KAT14: variants seen among roughly 807,000 people sequenced by gnomAD.
The protein encoded by KAT14 is lysine acetyltransferase 14.
In KAT14, 66 loss-of-function variants were observed where a neutral mutation model predicts 78.4. The observed-to-expected ratio is 0.84, with a 90% CI of 0.69 to 1.03. The LOEUF (loss-of-function observed/expected upper bound fraction) is 1.03, where lower values mean the gene tolerates loss of function less well. Among genes scored for constraint, KAT14 ranks in the 50% least tolerant of loss-of-function variants. The probability of loss-of-function intolerance (pLI) is 0.00; values close to 1 mark genes in which losing one functional copy is unlikely to be tolerated. For missense variants in KAT14, 870 were observed against 972.5 expected (o/e 0.89, Z 1.40); for synonymous variants, 344 against 359.4 (o/e 0.96, Z 0.48).
chr20:18,143,995 A>G (rs2037718387), intron 2 of KAT14, among the ~76,000 whole-genome samples: 1 of 152,212 alleles, frequency 6.6e-6, no homozygotes, highest in Admixed American at 6.5e-5. Context: ...CAGCCATCAT[A>G]TGGTTTATAC....
chr20:18,174,662 T>A (rs2038968229), intron 7 of KAT14, among the ~76,000 whole-genome samples: 1 of 112,150 alleles, frequency 8.9e-6, no homozygotes, highest in East Asian at 1.1e-3. Context: ...TTCTTGCTTT[T>A]TTTTTTATTT....
intron 1 of KAT14, chr20:18,138,435 A>C: frequency 6.0e-6 from 6 of 1,002,708 alleles, no homozygotes; most frequent in Non-Finnish European, 5.9e-6. Context: ...GGGCCGCTAG[A>C]AAATAGAAGG....
chr20:18,142,020 A>G (rs1316712493), intron 1 of KAT14, among the ~76,000 whole-genome samples, 188 bp from the exon 2 acceptor site: 1 of 152,228 alleles, frequency 6.6e-6, no homozygotes, highest in Non-Finnish European at 1.5e-5. Context: ...AACATTTAGC[A>G]CACTACCAAA....
chr20:18,143,506 G>T (rs2037671899), intron 2 of KAT14, among the ~76,000 whole-genome samples: 1 of 147,498 alleles, frequency 6.8e-6, no homozygotes, highest in African/African-American at 2.5e-5. Flanking sequence ...TGCTTTTGTT[G>T]CCCAGGCTAG....
chr20:18,148,613 G>GTTT (rs539926110), intron 3 of KAT14, among the ~76,000 whole-genome samples: 1 of 140,996 alleles, frequency 7.1e-6, no homozygotes, highest in African/African-American at 2.6e-5. Context: ...ATTTTTTTTT[G>GTTT]TTTTTTTTTT....
intron 5 of KAT14, among the ~76,000 whole-genome samples, chr20:18,159,658 T>C (rs2038347859): frequency 6.6e-6 from 1 of 152,216 alleles, no homozygotes; most frequent in African/African-American, 2.4e-5. Flanking sequence ...AAATCCTCAG[T>C]ACTTTTCCCC....
intron 4 of KAT14, among the ~76,000 whole-genome samples, chr20:18,154,625 C>A (rs1348776462): frequency 3.8e-4 from 2 of 5,268 alleles, no homozygotes; most frequent in Admixed American, 1.5e-3. Context: ...TGCCACCTTC[C>A]CAGAATCCTC....
intron 7 of KAT14, among the ~76,000 whole-genome samples, chr20:18,175,149 C>G (rs902639144): frequency 7.9e-5 from 12 of 152,096 alleles, no homozygotes; most frequent in African/African-American, 2.2e-4. Context: ...AAAACCATTT[C>G]TCCTCCTCTC....
intron 7 of KAT14, among the ~76,000 whole-genome samples, chr20:18,174,296 G>A (rs2038956718): frequency 6.6e-6 from 1 of 152,162 alleles, no homozygotes; most frequent in African/African-American, 2.4e-5. Context: ...AAGTTTTTGT[G>A]TGGACACACA....
chr20:18,184,182 T>C (rs2039367913), intron 9 of KAT14, among the ~76,000 whole-genome samples: 1 of 152,020 alleles, frequency 6.6e-6, no homozygotes, highest in Non-Finnish European at 1.5e-5. Flanking sequence ...GTGTGGGGGG[T>C]AAAGGATGTG....
chr20:18,154,057 C>T (rs1350639500), intron 4 of KAT14, among the ~76,000 whole-genome samples: 2 of 152,080 alleles, frequency 1.3e-5, no homozygotes, highest in Admixed American at 6.5e-5. Flanking sequence ...TGATTCTTGC[C>T]ACCCGGTTTC....
rs532844386 is a variant in KAT14 at position 18,156,529 on chromosome 20, TG to T, written c.501-2553del. 1.2e-4 allele frequency among the ~76,000 whole-genome samples: 18 copies of T among 152,346 alleles called. No homozygotes were observed. In the East Asian group the frequency reaches 3.5e-3, roughly 29 times the overall value. Reference sequence around the variant, plus strand: ...ATTATGTGTTGTGCTGTGATTTAGCTGGCTATATTAGTTTGCTAATGATGCT... The same window carrying T: ...ATTATGTGTTGTGCTGTGATTTAGCTGCTATATTAGTTTGCTAATGATGCT... On this transcript the variant is annotated intron_variant, in intron 4 of 10. Transcript: ENST00000688188.
chr20:18,147,469 C>G (rs968302208), intron 3 of KAT14, among the ~76,000 whole-genome samples: 1 of 152,040 alleles, frequency 6.6e-6, no homozygotes, highest in Non-Finnish European at 1.5e-5. Flanking sequence ...TGTAAATTTT[C>G]AAAAATGTGA....
intron 5 of KAT14, among the ~76,000 whole-genome samples, chr20:18,160,642 T>C (rs2038385500): frequency 6.6e-6 from 1 of 152,174 alleles, no homozygotes; most frequent in African/African-American, 2.4e-5. Flanking sequence ...AGATAGGGTC[T>C]CGCCATGTTT....
intron 7 of KAT14, among the ~76,000 whole-genome samples, chr20:18,167,347 C>G (rs1434501840): frequency 6.6e-6 from 1 of 152,148 alleles, no homozygotes; most frequent in African/African-American, 2.4e-5. Flanking sequence ...AGTTACTGTT[C>G]TAATTAAGTC....
chr20:18,143,392 A>G (rs2037665245), intron 2 of KAT14, among the ~76,000 whole-genome samples: 1 of 149,570 alleles, frequency 6.7e-6, no homozygotes, highest in Non-Finnish European at 1.5e-5. Flanking sequence ...CTTTTTTTCC[A>G]TTTTCCTTTT....
intron 4 of KAT14, among the ~76,000 whole-genome samples, chr20:18,156,870 C>T (rs1238810367): frequency 6.6e-6 from 1 of 152,206 alleles, no homozygotes; most frequent in African/African-American, 2.4e-5. Context: ...CACATAAGGT[C>T]ACATTCACAA....
In KAT14 at chr20:18,165,193, A is replaced by G. The variant is rs375026709; in HGVS notation, c.1668+2248A>G. ...TTATTCTTTTGCTTTTTAAATGTGT[A>G]TGTCTCTAAATGATATACTTTTCGT... On this transcript the variant is annotated intron_variant, in intron 7 of 10. Transcript: ENST00000688188. Among the ~76,000 whole-genome samples the G allele has an allele frequency of 2.7e-5, 4 of 149,972 alleles. No homozygotes were observed. In the East Asian group the frequency reaches 7.7e-4, roughly 29 times the overall value.
At chr20:18,169,077 G>A (rs78080971) in intron 7 of KAT14, among the ~76,000 whole-genome samples, 55 of 151,930 alleles carry the variant, frequency 3.6e-4, no homozygotes, top group African/African-American at 1.3e-3. Context: ...ACTCAGCCGT[G>A]TCCAGTCTAC....
Sources: allele counts gnomAD v4.1 joint callset (sites outside exome capture counted in the v4.1 genomes callset), GRCh38; gene constraint gnomAD v4.1.1; transcripts MANE v1.5; gene names NCBI Gene and HGNC (gene_info 2026-07-23, HGNC 2026-07-21).